The following EMID1 variants were observed in gnomAD, a reference collection of about 807,000 sequenced individuals.
EMID1 encodes EMI domain-containing protein 1.
In EMID1, 40 loss-of-function variants were observed where a neutral mutation model predicts 60.6. The ratio of observed to expected loss-of-function variants is 0.66; its 90% CI spans 0.51 to 0.86. The LOEUF is 0.86. Among genes scored for constraint, EMID1 ranks in the 40% least tolerant of loss-of-function variants. The probability of loss-of-function intolerance (pLI) is 0.00; values close to 1 mark genes in which losing one functional copy is unlikely to be tolerated. For missense variants in EMID1, 585 were observed against 597.1 expected (o/e 0.98, Z 0.21); for synonymous variants, 242 against 231.0 (o/e 1.05, Z -0.43).
At chr22:29,216,627 G>A (rs1158320500) in intron 3 of EMID1, 5 of 985,352 alleles carry the variant, frequency 5.1e-6, no homozygotes, top group Admixed American at 6.1e-5. Flanking sequence ...CAGAAGCCAC[G>A]GCTCACAGGT....
At chr22:29,243,040 C>T (rs191185018) in intron 12 of EMID1, among the ~76,000 whole-genome samples, 2 of 152,220 alleles carry the variant, frequency 1.3e-5, no homozygotes, top group African/African-American at 4.8e-5. Flanking sequence ...AGTTCCCCCA[C>T]TTGTAGCTCC....
chr22:29,234,042 C>A, intron 10 of EMID1, 95 bp from the exon 11 acceptor site: 1 of 1,438,304 alleles, frequency 7.0e-7, no homozygotes, highest in South Asian at 1.3e-5. Context: ...AGGCCCAGAC[C>A]AAGCTTGAGC....
intron 5 of EMID1, among the ~76,000 whole-genome samples, chr22:29,227,272 G>A (rs1430906523): frequency 6.6e-6 from 1 of 151,866 alleles, no homozygotes; most frequent in African/African-American, 2.4e-5. Context: ...TAAATTTTTG[G>A]TAGAGATGGG....
rs1277625290 is a variant in EMID1 at position 29,226,481 on chromosome 22, TC to T, written c.404-5del. 1.2e-6 allele frequency: 2 copies of T among 1,611,068 alleles called. No homozygotes were observed. Among genetic ancestry groups the T allele is most frequent in the Non-Finnish European group, 1.7e-6 (2 of 1,178,574 alleles). On this transcript the variant is annotated splice_region_variant and splice_polypyrimidine_tract_variant and intron_variant, in intron 4 of 14. Transcript: ENST00000334018. ...TTGGCCCTGGCCCCAGCTTCCTCCC[TC>T]CCCGCAGGTTGTCTCAACTGCAGCA... is the stretch of plus-strand genomic sequence containing the variant.
intron 5 of EMID1, among the ~76,000 whole-genome samples, chr22:29,228,319 C>G (rs1362039717): frequency 6.6e-6 from 1 of 151,940 alleles, no homozygotes; most frequent in Non-Finnish European, 1.5e-5. Flanking sequence ...GAGCGAGACT[C>G]CGTCTCAAGA....
intron 12 of EMID1, among the ~76,000 whole-genome samples, chr22:29,239,324 T>G (rs976928518): frequency 8.7e-6 from 1 of 114,364 alleles, no homozygotes; most frequent in Non-Finnish European, 1.7e-5. Flanking sequence ...AGAGGCAGGG[T>G]TTTACCATGT....
At chr22:29,252,014 G>C (rs2041546228) in intron 13 of EMID1, among the ~76,000 whole-genome samples, 1 of 152,156 alleles carries the variant, frequency 6.6e-6, no homozygotes, top group South Asian at 2.1e-4. Flanking sequence ...TTGCTATGTT[G>C]CCCAGGCTGG....
intron 1 of EMID1, among the ~76,000 whole-genome samples, chr22:29,212,307 A>AT (rs1217939982): frequency 6.6e-6 from 1 of 151,322 alleles, no homozygotes; most frequent in Non-Finnish European, 1.5e-5. Context: ...ATTAAAAAAA[A>AT]TTTTTTTATA....
At chr22:29,224,204 G>A (rs575152999) in intron 3 of EMID1, among the ~76,000 whole-genome samples, 77 of 152,338 alleles carry the variant, frequency 5.1e-4, no homozygotes, top group Admixed American at 7.2e-4. Flanking sequence ...TTGAGTTCCC[G>A]GCGCCTCTCG....
Position 29,231,660 on chromosome 22 carries a change from A to G in EMID1, c.654A>G (p.Pro218=). 1 of 1,475,392 alleles carries G rather than the reference A, an allele frequency of 6.8e-7. No individual in the cohort carries two copies. The highest frequency in any genetic ancestry group is 9.0e-7 in the Non-Finnish European group (1 of 1,108,588). 91.4% of individuals were successfully genotyped at this position (1,475,392 alleles called of 1,614,324 possible). A position where few individuals can be genotyped will look rare whatever the true frequency, so the allele number is the denominator to read the frequency against. The change falls in exon 7 of 15, where the codon CCA becomes CCG. Residue 218 remains proline, a synonymous_variant. Transcript: ENST00000334018. ...AGGGAGATGCCGGCAGTCGGGGCCC[A>G]ATGGGGATGAGAGGCCCACCAGGTG... The part of the protein sequence containing the change: ...GPKGDAGSRG[P]MGMRGPPGPQ...
intron 6 of EMID1, 37 bp from the exon 7 acceptor site, chr22:29,231,556 A>T: frequency 6.5e-7 from 1 of 1,545,966 alleles, no homozygotes; most frequent in Non-Finnish European, 8.8e-7. Flanking sequence ...TCAAGAGCAG[A>T]TGTGGAGCTG....
chr22:29,228,448 A>C (rs2040609989), intron 5 of EMID1, among the ~76,000 whole-genome samples: 1 of 152,230 alleles, frequency 6.6e-6, no homozygotes, highest in African/African-American at 2.4e-5. Flanking sequence ...GCAGTTGCCC[A>C]TGCCCCCAAA....
At chr22:29,223,397 C>T (rs576081608) in intron 3 of EMID1, among the ~76,000 whole-genome samples, 18 of 152,340 alleles carry the variant, frequency 1.2e-4, no homozygotes, top group African/African-American at 3.1e-4. Context: ...AAGAGATGGC[C>T]GCTTCTTTTG....
intron 13 of EMID1, among the ~76,000 whole-genome samples, chr22:29,253,293 A>G (rs2041589574): frequency 1.3e-5 from 2 of 152,152 alleles, no homozygotes; most frequent in Admixed American, 6.5e-5. Context: ...AAAAAAAGAA[A>G]TGTGTTTGGC....
intron 12 of EMID1, among the ~76,000 whole-genome samples, chr22:29,243,119 A>G (rs2041211380): frequency 6.9e-6 from 1 of 145,012 alleles, no homozygotes; most frequent in South Asian, 2.2e-4. Context: ...CCTGAGGCCA[A>G]TAAAACTGAA....
rs766201571 is a variant in EMID1, at chr22:29,251,962, C to T, written c.1120-2241C>T. On this transcript the variant is annotated intron_variant, in intron 13 of 14. Coordinates refer to ENST00000334018, the MANE Select transcript of EMID1 (RefSeq NM_133455.4). Reference sequence around the variant, plus strand: ...GGTGCTGGGATTACAGGACAGCTACCGTGCCCACTCTAATTTTTAAATTTT... The same window carrying T: ...GGTGCTGGGATTACAGGACAGCTACTGTGCCCACTCTAATTTTTAAATTTT... 2.6e-5 allele frequency among the ~76,000 whole-genome samples: 4 copies of T among 152,102 alleles called. No individual in the cohort carries two copies. In the East Asian group the frequency reaches 5.8e-4, roughly 22 times the overall value.
chr22:29,237,421 TCCAC>T (rs2040993763), intron 12 of EMID1, among the ~76,000 whole-genome samples: 1 of 143,700 alleles, frequency 7.0e-6, no homozygotes, highest in African/African-American at 2.7e-5. Context: ...CCTCAGGTGA[TCCAC>T]CCACCTCAGC....
intron 1 of EMID1, among the ~76,000 whole-genome samples, chr22:29,213,608 G>C (rs1423377898): frequency 1.3e-5 from 2 of 152,130 alleles, no homozygotes; most frequent in East Asian, 3.9e-4. Context: ...GTCGGCATGG[G>C]AGTCTCTGTG....
At chr22:29,225,786 G>A (rs904928011) in intron 4 of EMID1, among the ~76,000 whole-genome samples, 9 of 152,254 alleles carry the variant, frequency 5.9e-5, no homozygotes, top group Non-Finnish European at 1.0e-4. Context: ...ACTCCCGTGA[G>A]GAGGGGAGAG....
Sources: allele counts gnomAD v4.1 joint callset (sites outside exome capture counted in the v4.1 genomes callset), GRCh38; gene constraint gnomAD v4.1.1; transcripts MANE v1.5; gene names NCBI Gene and HGNC (gene_info 2026-07-23, HGNC 2026-07-21).